The following FRMD5 variants were observed in gnomAD, a reference collection of about 807,000 sequenced individuals.
The protein encoded by FRMD5 is FERM domain containing 5, also known as FERM domain-containing protein 5.
Under a neutral mutation model 69.0 loss-of-function variants are expected in FRMD5, and 20 were observed. That is an observed-to-expected ratio of 0.29 (90% confidence interval 0.20 to 0.42). FRMD5 has a LOEUF of 0.42. Ranked by LOEUF, FRMD5 falls within the 10% of genes least tolerant of loss-of-function variation. The pLI, the probability that FRMD5 is intolerant of heterozygous loss-of-function variation, is 1.00. For missense variants in FRMD5, 595 were observed against 708.6 expected, an observed-to-expected ratio of 0.84 and a Z score of 1.82; for synonymous variants, 271 against 260.1, an observed-to-expected ratio of 1.04 and a Z score of -0.40.
intron 1 of FRMD5, among the ~76,000 whole-genome samples, chr15:44,020,988 T>G (rs1391926151): frequency 6.6e-6 from 1 of 152,206 alleles, no homozygotes; most frequent in Non-Finnish European, 1.5e-5. Flanking sequence ...GTGTATTTAT[T>G]TTGTTTTTAA....
intron 10 of FRMD5, among the ~76,000 whole-genome samples, chr15:43,886,236 T>C (rs1211967907): frequency 6.6e-6 from 1 of 152,144 alleles, no homozygotes; most frequent in Non-Finnish European, 1.5e-5. Flanking sequence ...TGTGTCTATG[T>C]CTGGGTAATT....
chr15:43,894,567 GC>G (rs1241395655), intron 7 of FRMD5, among the ~76,000 whole-genome samples: 10 of 152,084 alleles, frequency 6.6e-5, no homozygotes, highest in African/African-American at 2.4e-4. Context: ...TAAAGGAAAG[GC>G]CTAGGAAGGA....
intron 1 of FRMD5, among the ~76,000 whole-genome samples, chr15:43,950,393 C>T (rs1037943306): frequency 5.3e-5 from 8 of 152,178 alleles, no homozygotes; most frequent in East Asian, 1.9e-4. Context: ...CTTTAAAACA[C>T]GCATTCACAT....
intron 1 of FRMD5, among the ~76,000 whole-genome samples, chr15:44,013,716 A>G (rs764730250): frequency 3.3e-5 from 5 of 152,178 alleles, no homozygotes; most frequent in Non-Finnish European, 7.3e-5. Context: ...TTTCCCAGCT[A>G]TGACATTAAT....
chr15:44,001,637 C>G (rs1158486691), intron 1 of FRMD5, among the ~76,000 whole-genome samples: 1 of 147,618 alleles, frequency 6.8e-6, no homozygotes, highest in Non-Finnish European at 1.5e-5. Context: ...AGACAAAAAT[C>G]ACTTTGTCAT....
chr15:43,879,809 T>G (rs779213400), intron 13 of FRMD5: 17 of 396,188 alleles, frequency 4.3e-5, no homozygotes, highest in Non-Finnish European at 7.1e-5. Flanking sequence ...TCCCACATCA[T>G]AGCAGCCCCT....
rs180731238 is a variant in FRMD5 at position 44,028,001 on chromosome 15, G to A, written c.103-103692C>T. On this transcript the variant is annotated intron_variant, in intron 1 of 13. Transcript: ENST00000417257. ...TGGTCTATATCATATCTGTTCACACGTCACTGGCCAAAGAAAGTCACACAT... is the reference window on the plus strand; with the variant it reads ...TGGTCTATATCATATCTGTTCACACATCACTGGCCAAAGAAAGTCACACAT... Among the ~76,000 whole-genome samples, 18 of 152,182 alleles carry A rather than the reference G, an allele frequency of 1.2e-4. No homozygotes were observed. The South Asian group carries it at 1.2e-3, about 11-fold the overall frequency.
chr15:44,091,939 G>A (rs1314685958), intron 1 of FRMD5, among the ~76,000 whole-genome samples: 1 of 152,080 alleles, frequency 6.6e-6, no homozygotes, highest in Non-Finnish European at 1.5e-5. Context: ...GGTGAGGCCT[G>A]ACATCCTACA....
intron 1 of FRMD5, among the ~76,000 whole-genome samples, chr15:43,932,496 G>A (rs1385556792): frequency 1.3e-5 from 2 of 152,172 alleles, no homozygotes; most frequent in African/African-American, 4.8e-5. Context: ...CAAAGGCAGA[G>A]CTTCTGTGAC....
chr15:43,972,851 A>C (rs535038519), intron 1 of FRMD5, among the ~76,000 whole-genome samples: 1 of 152,272 alleles, frequency 6.6e-6, no homozygotes, highest in South Asian at 2.1e-4. Context: ...CTGCTTTCCG[A>C]AGGATAAGAG....
intron 1 of FRMD5, among the ~76,000 whole-genome samples, chr15:43,941,758 G>A (rs946068904): frequency 1.3e-5 from 2 of 152,178 alleles, no homozygotes; most frequent in African/African-American, 4.8e-5. Context: ...CTAAGGGCGG[G>A]GGGGCGTTGC....
chr15:44,121,416 A>G (rs1412431393), intron 1 of FRMD5, among the ~76,000 whole-genome samples: 1 of 152,034 alleles, frequency 6.6e-6, no homozygotes, highest in African/African-American at 2.4e-5. Flanking sequence ...TAAAGTGGGA[A>G]AGGCTATTAA....
At chr15:44,121,262 C>A (rs1251793790) in intron 1 of FRMD5, among the ~76,000 whole-genome samples, 2 of 52,482 alleles carry the variant, frequency 3.8e-5, no homozygotes, top group Non-Finnish European at 9.0e-5. Flanking sequence ...TTAACTAGGA[C>A]ATCTGGGGCA....
At chr15:44,158,971 C>CA (rs897802646) in intron 1 of FRMD5, among the ~76,000 whole-genome samples, 3 of 151,444 alleles carry the variant, frequency 2.0e-5, no homozygotes, top group East Asian at 1.9e-4. Context: ...CATAGGAAGA[C>CA]AAAAAAAATG....
At chr15:44,141,960 T>C (rs747258254) in intron 1 of FRMD5, among the ~76,000 whole-genome samples, 35 of 152,170 alleles carry the variant, frequency 2.3e-4, no homozygotes, top group Admixed American at 6.5e-4. Context: ...TATTCTTACA[T>C]CTACTCATTG....
intron 1 of FRMD5, among the ~76,000 whole-genome samples, chr15:43,969,999 T>C (rs1199234408): frequency 6.6e-6 from 1 of 152,232 alleles, no homozygotes; most frequent in African/African-American, 2.4e-5. Context: ...GAGAGTGTTC[T>C]GGCTGAGACA....
chr15:44,197,199 TAA>T (rs34621315), upstream of FRMD5, among the ~76,000 whole-genome samples: 12 of 145,068 alleles, frequency 8.3e-5, no homozygotes, highest in African/African-American at 1.0e-4. Flanking sequence ...AGACTCGGTC[TAA>T]AAAAAAAAAA....
intron 1 of FRMD5, among the ~76,000 whole-genome samples, chr15:44,099,079 G>A (rs1175649124): frequency 2.6e-5 from 4 of 152,168 alleles, no homozygotes; most frequent in Non-Finnish European, 4.4e-5. Context: ...CATGGTTTCT[G>A]CATGGAAGCC....
At chr15:44,117,420 T>C (rs1381384082) in intron 1 of FRMD5, among the ~76,000 whole-genome samples, 1 of 151,970 alleles carries the variant, frequency 6.6e-6, no homozygotes, top group Non-Finnish European at 1.5e-5. Flanking sequence ...AGTCTGCCCA[T>C]CTAATAAAGA....
Sources: allele counts gnomAD v4.1 joint callset (sites outside exome capture counted in the v4.1 genomes callset), GRCh38; gene constraint gnomAD v4.1.1; transcripts MANE v1.5; gene names NCBI Gene and HGNC (gene_info 2026-07-23, HGNC 2026-07-21).